P2RX5: variants seen among roughly 807,000 people sequenced by gnomAD.
The protein encoded by P2RX5 is P2X purinoceptor 5.
A neutral mutation model predicts 54.1 loss-of-function variants in P2RX5; 46 were observed. That is an observed-to-expected ratio of 0.85 (90% CI 0.67 to 1.09). The LOEUF is 1.09. Ranked by LOEUF, P2RX5 falls within the 50% of genes least tolerant of loss-of-function variation. The pLI, the probability that P2RX5 is intolerant of heterozygous loss-of-function variation, is 0.00. For synonymous variants in P2RX5, 226 were observed against 226.4 expected, an observed-to-expected ratio of 1.00 and a Z score of 0.02; for missense variants, 566 against 549.8, an observed-to-expected ratio of 1.03 and a Z score of -0.29.
intron 1 of P2RX5, among the ~76,000 whole-genome samples, chr17:3,693,890 G>A (rs1448422581): frequency 3.3e-5 from 5 of 151,306 alleles, no homozygotes; most frequent in African/African-American, 9.7e-5. Flanking sequence ...GCACTGGTGC[G>A]AGTAGCTGAG....
chr17:3,709,189 T>G, the P2RX5 span, among the ~76,000 whole-genome samples: 1 of 152,086 alleles, frequency 6.6e-6, no homozygotes. Flanking sequence ...TGACCTCAGG[T>G]GATCCACCCA....
chr17:3,706,231 G>A, the P2RX5 span, among the ~76,000 whole-genome samples: 3 of 152,002 alleles, frequency 2.0e-5, no homozygotes, highest in Non-Finnish European at 4.4e-5. Flanking sequence ...GGGATTACAG[G>A]CATGAGTCAT....
At position 3,679,688 on chromosome 17, in the gene P2RX5, CG is replaced by C; in HGVS notation, c.1160del (p.Pro387ArgfsTer90). ...LTSGPGLLGMPEQQELQEPPE... is the reference protein window; with the variant it reads ...LTSGPGLLGMXEQQELQEPPE... ...GTGGCTCCTGCAGCTCCTGCTGCTC[CG>C]GCATCCCCAGCAGCCCTGGCCCAGA... On this transcript the variant is annotated frameshift_variant, in exon 11 of 12. Transcript: ENST00000225328. LOFTEE classifies it high-confidence loss of function. 1 of 1,611,844 alleles carries C rather than the reference CG, an allele frequency of 6.2e-7. No individual in the cohort carries two copies. Among genetic ancestry groups the C allele is most frequent in the South Asian group, 1.1e-5 (1 of 91,074 alleles).
the P2RX5 span, among the ~76,000 whole-genome samples, chr17:3,707,203 T>C: frequency 6.6e-6 from 1 of 152,112 alleles, no homozygotes; most frequent in Non-Finnish European, 1.5e-5. Context: ...CAGCAGAAAC[T>C]AGGTGGTGGG....
At chr17:3,692,857 G>A (rs1379684049) in intron 1 of P2RX5, among the ~76,000 whole-genome samples, 3 of 151,750 alleles carry the variant, frequency 2.0e-5, no homozygotes, top group Non-Finnish European at 2.9e-5. Flanking sequence ...TGAAATAAGA[G>A]TACAAATCCC....
chr17:3,692,556 T>C (rs1276870877), intron 1 of P2RX5, among the ~76,000 whole-genome samples: 1 of 150,990 alleles, frequency 6.6e-6, no homozygotes, highest in Non-Finnish European at 1.5e-5. Flanking sequence ...AAAATAAGAG[T>C]ACAGGCCAGG....
chr17:3,703,225 C>G, the P2RX5 span, among the ~76,000 whole-genome samples: 3 of 152,134 alleles, frequency 2.0e-5, no homozygotes, highest in Non-Finnish European at 4.4e-5. Context: ...ACAAACGAGG[C>G]CAGGCCCAGT....
Position 3,673,677 on chromosome 17 carries a change from G to A in P2RX5, c.*191C>T, listed in dbSNP as rs1262131339. 2.6e-6 allele frequency: 4 copies of A among 1,513,758 alleles called. No individual in the cohort carries two copies. The highest frequency in any genetic ancestry group is 4.0e-5 in the Admixed American group (2 of 49,446). 93.8% of individuals were successfully genotyped at this position (1,513,758 alleles called of 1,614,324 possible). A position where few individuals can be genotyped will look rare whatever the true frequency, so the allele number is the denominator to read the frequency against. On this transcript the variant is annotated 3_prime_UTR_variant, in exon 12 of 12. Transcript: ENST00000225328. ...GCAAAAAGACAGCCATGATGGGTCC[G>A]TCCTGATGACCCCAGCATCAGACGT...
chr17:3,706,707 G>A, the P2RX5 span, among the ~76,000 whole-genome samples: 7 of 152,150 alleles, frequency 4.6e-5, no homozygotes, highest in Non-Finnish European at 8.8e-5. Context: ...TGCCTCCCGG[G>A]TTCAAGTGAT....
intron 8 of P2RX5, 69 bp from the exon 9 acceptor site, chr17:3,688,174 G>A (rs1211804081): frequency 6.0e-6 from 5 of 834,592 alleles, no homozygotes; most frequent in Non-Finnish European, 1.0e-5. Context: ...GCACTGATGT[G>A]GCTGCTCTGG....
chr17:3,694,675 G>C (rs927900251), intron 1 of P2RX5, among the ~76,000 whole-genome samples: 4 of 152,142 alleles, frequency 2.6e-5, no homozygotes, highest in African/African-American at 9.7e-5. Context: ...AGGACTGCGA[G>C]AATTAAATTT....
chr17:3,683,120 A>C (rs2050332068), intron 9 of P2RX5, among the ~76,000 whole-genome samples: 3 of 152,118 alleles, frequency 2.0e-5, no homozygotes, highest in Non-Finnish European at 4.4e-5. Context: ...AACGTGCCCT[A>C]CGGACCAGAG....
At chr17:3,700,174 C>T (rs1238685602), upstream of P2RX5, among the ~76,000 whole-genome samples, 1 of 152,162 alleles carries the variant, frequency 6.6e-6, no homozygotes, top group African/African-American at 2.4e-5. Context: ...CTCACAAGCA[C>T]ATGCCAAACA....
chr17:3,691,695 C>G lies in P2RX5; in HGVS notation c.237G>C (p.Ser79=), dbSNP rs758104208. The G allele has an allele frequency of 6.2e-7, 1 of 1,614,076 alleles. No homozygotes were observed. Among genetic ancestry groups the G allele is most frequent in the Non-Finnish European group, 8.5e-7 (1 of 1,180,042 alleles). The change falls in exon 2 of 12, where the codon TCG becomes TCC. Residue 79 remains serine, a synonymous_variant. Coordinates refer to ENST00000225328, the MANE Select transcript of P2RX5 (RefSeq NM_002561.4). Reference sequence around the variant, plus strand: ...CATCCCAGATCCGCTGCCCAAGATCCGAGGTGTTGGTGAAGGCCACGCCCT... The same window carrying G: ...CATCCCAGATCCGCTGCCCAAGATCGGAGGTGTTGGTGAAGGCCACGCCCT... The part of the protein sequence containing the change: ...KVKGVAFTNT[S]DLGQRIWDVA...
the P2RX5 span, among the ~76,000 whole-genome samples, chr17:3,721,096 T>C: frequency 7.3e-5 from 11 of 151,680 alleles, no homozygotes; most frequent in Non-Finnish European, 1.2e-4. Flanking sequence ...ACTGGGCTAA[T>C]TTTTGTATTT....
At chr17:3,677,340 C>A in intron 11 of P2RX5, 1 of 966,682 alleles carries the variant, frequency 1.0e-6, no homozygotes, top group Non-Finnish European at 1.2e-6. Context: ...ATTCCCCGGG[C>A]GTCCCGAGGC....
rs755942739 is a variant in P2RX5, at chr17:3,688,061, G to T, written c.932C>A (p.Thr311Asn). 2.5e-6 allele frequency: 4 copies of T among 1,606,338 alleles called. No homozygotes were observed. The highest frequency in any genetic ancestry group is 1.3e-5 in the African/African-American group (1 of 74,092). The change falls in exon 9 of 12, where the codon ACC (threonine) becomes AAC (asparagine). Residue 311 changes from threonine to asparagine, a missense_variant. Coordinates refer to ENST00000225328, the MANE Select transcript of P2RX5 (RefSeq NM_002561.4). ...YRDAAGVEFR[T>N]LMKAYGIRFD... is the part of the protein sequence containing the mutation. ...GCGGATCCCGTAGGCTTTCATCAGG[G>T]TGCGGAACTCCACCCCGGCTGCGTC...
At chr17:3,678,071 C>T in intron 11 of P2RX5, 6 of 985,374 alleles carry the variant, frequency 6.1e-6, no homozygotes, top group Non-Finnish European at 7.2e-6. Context: ...AGCCAGCAGC[C>T]CTGGCTACAT....
chr17:3,720,584 C>CTTT, the P2RX5 span: 24 of 321,444 alleles, frequency 7.5e-5, no homozygotes, highest in African/African-American at 2.4e-4. Flanking sequence ...CTTCAACTTC[C>CTTT]TTTTTTTTTT....
Sources: allele counts gnomAD v4.1 joint callset (sites outside exome capture counted in the v4.1 genomes callset), GRCh38; gene constraint gnomAD v4.1.1; transcripts MANE v1.5; gene names NCBI Gene and HGNC (gene_info 2026-07-23, HGNC 2026-07-21).